Variants in MAP3K19 observed in about 807,000 individuals in gnomAD.
MAP3K19 encodes the protein mitogen-activated protein kinase kinase kinase 19, also known as SPS1/STE20-related protein kinase YSK4.
In MAP3K19, 91 loss-of-function variants were observed where a neutral mutation model predicts 114.4. That is an observed-to-expected ratio of 0.80 (90% CI 0.67 to 0.95). The LOEUF is 0.95. Among genes scored for constraint, MAP3K19 ranks in the 40% least tolerant of loss-of-function variants. MAP3K19 has a pLI of 0.00. For synonymous variants in MAP3K19, 518 were observed against 530.5 expected, an observed-to-expected ratio of 0.98 and a Z score of 0.32; for missense variants, 1,471 against 1,573.2, an observed-to-expected ratio of 0.94 and a Z score of 1.10.
intron 2 of MAP3K19, among the ~76,000 whole-genome samples, chr2:135,034,024 A>G (rs1187077554): frequency 8.6e-5 from 6 of 69,964 alleles, no homozygotes; most frequent in Admixed American, 1.5e-4. Flanking sequence ...CAGACGGGGC[A>G]GTTGCCAGGC....
intron 4 of MAP3K19, chr2:135,023,604 C>T (rs535236995): frequency 9.8e-6 from 5 of 510,366 alleles, no homozygotes; most frequent in African/African-American, 3.9e-5. Flanking sequence ...AGTTTCTCAG[C>T]GGTTGTCTCT....
At chr2:135,023,293 C>T in intron 4 of MAP3K19, 1 of 369,892 alleles carries the variant, frequency 2.7e-6, no homozygotes, top group Non-Finnish European at 5.5e-6. Context: ...TCTCCTCCTC[C>T]TCTCACTTCC....
rs10546607 is a variant in MAP3K19, at chr2:135,002,415, C to CTTATT, written c.236-2405_236-2401dup. On this transcript the variant is annotated intron_variant, in intron 6 of 12. Coordinates refer to ENST00000392915, the MANE Select transcript of MAP3K19 (RefSeq NM_025052.5). ...AAGCCTTACTTTCCTGTTTGGTCTC[C>CTTATT]TTATTTTATTTTATTTTATTTTATT... 5.1e-3 allele frequency among the ~76,000 whole-genome samples: 776 copies of CTTATT among 150,886 alleles called. 5 individuals are homozygous for CTTATT. The highest frequency in any genetic ancestry group is 0.014 in the African/African-American group (583 of 40,880).
intron 8 of MAP3K19, among the ~76,000 whole-genome samples, chr2:134,997,817 C>CAAAAAAGAAAAAAAAAAA (rs1686115919): frequency 1.1e-5 from 1 of 91,010 alleles, no homozygotes; most frequent in African/African-American, 4.1e-5. Context: ...GACTCCGTCT[C>CAAAAAAGAAAAAAAAAAA]AAAAAAAAAA....
intron 3 of MAP3K19, among the ~76,000 whole-genome samples, chr2:135,027,347 A>G (rs111935099): frequency 2.9e-5 from 4 of 137,112 alleles, no homozygotes; most frequent in Non-Finnish European, 4.6e-5. Context: ...GAAAGAAAGA[A>G]AGAGAGAAAG....
In MAP3K19 at chr2:134,999,703, AT is replaced by A. The variant is rs1166334521; in HGVS notation, c.314+233del. ...ATCACAGCCACACTCATTTGTTTAC[AT>A]ATTGTCTATGGCTGCATTCAAATGA... On this transcript the variant is annotated intron_variant, in intron 7 of 12. Coordinates refer to ENST00000392915, the MANE Select transcript of MAP3K19 (RefSeq NM_025052.5). This position sits in a 1 kb window ranked among gnomAD's most constrained non-coding sequence, Gnocchi z 4.1. 2.0e-5 allele frequency among the ~76,000 whole-genome samples: 3 copies of A among 152,202 alleles called. No individual in the cohort carries two copies. Among genetic ancestry groups the A allele is most frequent in the Non-Finnish European group, 2.9e-5 (2 of 68,040 alleles).
intron 4 of MAP3K19, among the ~76,000 whole-genome samples, chr2:135,022,078 CA>C (rs950497192): frequency 2.6e-5 from 4 of 151,606 alleles, no homozygotes; most frequent in Non-Finnish European, 5.9e-5. Context: ...TACATAAGGA[CA>C]AAAAAATCAA....
chr2:134,964,684 AG>A lies in MAP3K19; in HGVS notation c.*165del. On this transcript the variant is annotated 3_prime_UTR_variant, in exon 13 of 13. Transcript: ENST00000392915. ...GAGTAATAATGTCTGACACTTGAGGAGGCTAATATGTAACTGCAACTTTCAG... is the reference window on the plus strand; with the variant it reads ...GAGTAATAATGTCTGACACTTGAGGAGCTAATATGTAACTGCAACTTTCAG... The A allele has an allele frequency of 2.1e-6, 1 of 479,930 alleles. No homozygotes were observed. The allele number at this position is 479,930 out of a possible 1,614,324, so 29.7% of individuals were successfully genotyped here. A position where few individuals can be genotyped will look rare whatever the true frequency, so the allele number is the denominator to read the frequency against.
chr2:134,980,838 C>A lies in MAP3K19; in HGVS notation c.3903G>T (p.Val1301=). 1 of 1,613,698 alleles carries A rather than the reference C, an allele frequency of 6.2e-7. No homozygotes were observed. The highest frequency in any genetic ancestry group is 2.2e-5 in the East Asian group (1 of 44,878). ...DHFSENAADF[V]RMCLTRDQHE... is the part of the protein sequence containing the mutation. ...TTTCTTACCTGGTCAGGCACATGCGCACAAAGTCTGCTGCATTTTCTGAGA... is the reference window on the plus strand; with the variant it reads ...TTTCTTACCTGGTCAGGCACATGCGAACAAAGTCTGCTGCATTTTCTGAGA... Residue 1301 remains valine, a synonymous_variant, in exon 12 of 13, where the codon GTG becomes GTT. Coordinates refer to ENST00000392915, the MANE Select transcript of MAP3K19 (RefSeq NM_025052.5).
Position 134,987,803 on chromosome 2 carries a change from G to A in MAP3K19, c.1069C>T (p.Arg357Ter), listed in dbSNP as rs751721304. 1.1e-5 allele frequency: 17 copies of A among 1,607,384 alleles called. No homozygotes were observed. Among genetic ancestry groups the A allele is most frequent in the Admixed American group, 6.7e-5 (4 of 59,986 alleles). The change falls in exon 10 of 13, where the codon CGA (arginine) becomes TGA (stop). Residue 357 changes from arginine to a stop codon, truncating the protein, a stop_gained. Transcript: ENST00000392915. LOFTEE classifies it high-confidence loss of function. ...TGAGAGTTCTCTTCTTCAGGTTTTC[G>A]CGTTTTACTACCATGGCAGTCAATA... ...EDIDCHGSKT[R>*]KPEEENSQYL...
intron 5 of MAP3K19, among the ~76,000 whole-genome samples, chr2:135,006,614 A>G (rs60673237): frequency 0.059 from 8,916 of 151,590 alleles, 507 homozygotes; most frequent in African/African-American, 0.15. Flanking sequence ...GTTCGAGACC[A>G]GCCTGGGCAA....
chr2:135,022,167 G>C (rs1453016224), intron 4 of MAP3K19, among the ~76,000 whole-genome samples: 1 of 152,120 alleles, frequency 6.6e-6, no homozygotes, highest in Non-Finnish European at 1.5e-5. Context: ...TCTGATCTGA[G>C]CACCCACCAA....
chr2:134,973,472 T>C (rs1684012449), intron 12 of MAP3K19, among the ~76,000 whole-genome samples: 1 of 152,244 alleles, frequency 6.6e-6, no homozygotes, highest in Non-Finnish European at 1.5e-5. Context: ...GCATGAACTA[T>C]CTTTTTCCAT....
In MAP3K19 at chr2:134,988,082, G is replaced by A. The variant is rs762962857; in HGVS notation, c.790C>T (p.Pro264Ser). ...AACGACTTAACTAGGGCTCCCGGAGGCTCGTTTGATGGGCTGAGCTCATCA... is the reference window on the plus strand; with the variant it reads ...AACGACTTAACTAGGGCTCCCGGAGACTCGTTTGATGGGCTGAGCTCATCA... ...QSDELSPSNE[P>S]PGALVKSLMD... is the part of the protein sequence containing the mutation. The change falls in exon 10 of 13, where the codon CCT becomes TCT. Residue 264 changes from proline to serine, a missense_variant. By Grantham distance (74) the Pro-to-Ser change is moderately conservative (BLOSUM62 -1). Coordinates refer to ENST00000392915, the MANE Select transcript of MAP3K19 (RefSeq NM_025052.5). 6.2e-7 allele frequency: 1 copy of A among 1,613,844 alleles called. No individual in the cohort carries two copies. The highest frequency in any genetic ancestry group is 1.3e-5 in the African/African-American group (1 of 75,014).
chr2:135,028,384 C>T (rs1558742617), intron 3 of MAP3K19, among the ~76,000 whole-genome samples: 1 of 151,756 alleles, frequency 6.6e-6, no homozygotes, highest in Non-Finnish European at 1.5e-5. Context: ...GGCAAAACCC[C>T]ATCTCTACTA....
chr2:134,967,400 A>C (rs1421461761), intron 12 of MAP3K19, among the ~76,000 whole-genome samples: 2 of 152,202 alleles, frequency 1.3e-5, no homozygotes, highest in Non-Finnish European at 2.9e-5. Context: ...GTTGAGAGAG[A>C]GGAAGGCCGC....
chr2:134,986,575 T>A lies in MAP3K19; in HGVS notation c.2297A>T (p.Asp766Val). 6.2e-7 allele frequency: 1 copy of A among 1,614,248 alleles called. No homozygotes were observed. The highest frequency in any genetic ancestry group is 1.7e-5 in the Admixed American group (1 of 60,028). Residue 766 changes from aspartate (D) to valine (V), a missense_variant, in exon 10 of 13, where the codon GAC becomes GTC. Asp to Val is a radical substitution (Grantham distance 152, BLOSUM62 -3). Coordinates refer to ENST00000392915, the MANE Select transcript of MAP3K19 (RefSeq NM_025052.5). ...ATTTCCTGAAGACTTTATCTGCCAG[T>A]CTGGTTCTGAAATACCATCACCATT... Reference protein sequence around the residue: ...IENGDGISEPDWQIKSSGNEF... With the variant: ...IENGDGISEPVWQIKSSGNEF...
chr2:134,964,871 G>A lies in MAP3K19; in HGVS notation c.3966C>T (p.Ser1322=), dbSNP rs930555376. The A allele has an allele frequency of 6.2e-7, 1 of 1,613,290 alleles. No individual in the cohort carries two copies. The highest frequency in any genetic ancestry group is 8.5e-7 in the Non-Finnish European group (1 of 1,179,478). The change falls in exon 13 of 13, where the codon TCC becomes TCT. Residue 1322 remains serine, a synonymous_variant. Coordinates refer to ENST00000392915, the MANE Select transcript of MAP3K19 (RefSeq NM_025052.5). The part of the protein sequence containing the change: ...RPSALQLLKH[S]FLERSH ...ATATTCAGTGACTTCTCTCCAAGAA[G>A]GAGTGCTTCAGGAGCTGGAGAGCAG... is the stretch of plus-strand genomic sequence containing the variant.
intron 5 of MAP3K19, among the ~76,000 whole-genome samples, chr2:135,008,440 G>A (rs1178391462): frequency 2.0e-5 from 3 of 152,002 alleles, no homozygotes; most frequent in African/African-American, 7.2e-5. Flanking sequence ...TCTTTAATAA[G>A]CCCCGTTAGT....
Sources: gnomAD v4.1 joint callset for allele counts (sites outside exome capture counted in the v4.1 genomes callset) on GRCh38, gnomAD v4.1.1 for gene constraint, Gnocchi (gnomAD v3.1) non-coding constraint, MANE v1.5 for transcripts, NCBI Gene and HGNC (gene_info 2026-07-23, HGNC 2026-07-21) for gene names.